SCGB2B2: variants seen among roughly 807,000 people sequenced by gnomAD.
SCGB2B2 encodes secretoglobin-like protein.
Under a neutral mutation model 7.6 loss-of-function variants are expected in SCGB2B2, and 11 were observed. That is an observed-to-expected ratio of 1.45 (90% CI 0.91 to 2.40). SCGB2B2 has a LOEUF of 2.40. Among genes scored for constraint, SCGB2B2 ranks in the 30% most tolerant of loss-of-function variants. The pLI, the probability that SCGB2B2 is intolerant of heterozygous loss-of-function variation, is 0.00. For synonymous variants in SCGB2B2, 50 were observed against 48.6 expected, an observed-to-expected ratio of 1.03 and a Z score of -0.12; for missense variants, 104 against 115.4, an observed-to-expected ratio of 0.90 and a Z score of 0.45.
At chr19:34,588,790 A>G (rs2065237021), downstream of SCGB2B2, among the ~76,000 whole-genome samples, 1 of 152,130 alleles carries the variant, frequency 6.6e-6, no homozygotes, top group South Asian at 2.1e-4. Flanking sequence ...CAGGGCACAT[A>G]TGGGGTGACC....
chr19:34,644,513 A>C (rs983395645), intron 1 of SCGB2B2, among the ~76,000 whole-genome samples: 1 of 152,110 alleles, frequency 6.6e-6, no homozygotes, highest in Non-Finnish European at 1.5e-5. Context: ...ATTTCAAACA[A>C]AAATTCTGTA....
downstream of SCGB2B2, among the ~76,000 whole-genome samples, chr19:34,590,397 T>C (rs200641091): frequency 5.1e-4 from 37 of 72,022 alleles, 1 homozygote; most frequent in Admixed American, 6.6e-3. Context: ...ATCCATCCAT[T>C]CATCCATTCA....
chr19:34,636,862 T>C (rs148951148), intron 1 of SCGB2B2, among the ~76,000 whole-genome samples: 27 of 152,208 alleles, frequency 1.8e-4, no homozygotes, highest in Non-Finnish European at 3.4e-4. Flanking sequence ...CCTCCTCCCA[T>C]AGCTTTGTCA....
At chr19:34,613,897 A>G (rs1221274688) in intron 1 of SCGB2B2, among the ~76,000 whole-genome samples, 1 of 152,220 alleles carries the variant, frequency 6.6e-6, no homozygotes, top group South Asian at 2.1e-4. Context: ...TGCTCTGTAT[A>G]GTATTCTTGC....
chr19:34,617,810 T>C (rs2066127106), intron 1 of SCGB2B2, among the ~76,000 whole-genome samples: 1 of 152,210 alleles, frequency 6.6e-6, no homozygotes, highest in African/African-American at 2.4e-5. Context: ...CAGTATGATA[T>C]TGGCTGTGGG....
intron 1 of SCGB2B2, among the ~76,000 whole-genome samples, chr19:34,654,652 T>A (rs1421434115): frequency 6.6e-6 from 1 of 150,652 alleles, no homozygotes; most frequent in African/African-American, 2.5e-5. Flanking sequence ...CACCAATGGC[T>A]CCACCTAGAT....
intron 1 of SCGB2B2, among the ~76,000 whole-genome samples, chr19:34,626,310 G>C (rs1037080361): frequency 6.6e-6 from 1 of 152,126 alleles, no homozygotes; most frequent in Non-Finnish European, 1.5e-5. Context: ...AAACTACTCT[G>C]AACTAAAGGA....
chr19:34,620,209 C>T (rs1190679572), intron 1 of SCGB2B2, among the ~76,000 whole-genome samples: 1 of 152,052 alleles, frequency 6.6e-6, no homozygotes, highest in Non-Finnish European at 1.5e-5. Context: ...AATCACTTTA[C>T]TATAAAGACA....
At chr19:34,605,445 T>G (rs1445091921) in intron 1 of SCGB2B2, among the ~76,000 whole-genome samples, 1 of 152,214 alleles carries the variant, frequency 6.6e-6, no homozygotes, top group Non-Finnish European at 1.5e-5. Context: ...GCCACCAGCT[T>G]GTTCTTCATT....
chr19:34,632,879 A>G (rs75062046), intron 1 of SCGB2B2: 2,979 of 152,508 alleles, frequency 0.02, 45 homozygotes, highest in East Asian at 0.067. Context: ...CAACCAGTCT[A>G]GAGTCTACAG....
intron 1 of SCGB2B2, among the ~76,000 whole-genome samples, chr19:34,628,973 A>G (rs2066454781): frequency 6.6e-6 from 1 of 151,974 alleles, no homozygotes. Flanking sequence ...ACATATGCAA[A>G]TCAATAAACG....
chr19:34,643,064 A>G (rs1041318310), intron 1 of SCGB2B2, among the ~76,000 whole-genome samples: 3 of 152,196 alleles, frequency 2.0e-5, no homozygotes, highest in Non-Finnish European at 4.4e-5. Flanking sequence ...CCGGTTATCT[A>G]TCCGAAAAGG....
At chr19:34,657,191 C>T (rs559290625) in intron 1 of SCGB2B2, among the ~76,000 whole-genome samples, 1 of 151,244 alleles carries the variant, frequency 6.6e-6, no homozygotes, top group South Asian at 2.1e-4. Context: ...AGAACAGATA[C>T]CTTGGAATAA....
intron 1 of SCGB2B2, among the ~76,000 whole-genome samples, chr19:34,657,162 A>G (rs2067305384): frequency 6.6e-6 from 1 of 151,386 alleles, no homozygotes; most frequent in Non-Finnish European, 1.5e-5. Context: ...AGAATGCAAT[A>G]TTTACAGTGG....
intron 1 of SCGB2B2, chr19:34,645,541 GAC>G (rs112676925): frequency 0.018 from 323 of 17,802 alleles, 3 homozygotes; most frequent in Admixed American, 0.085. Context: ...CACAGACACA[GAC>G]ACACACACAC....
intron 1 of SCGB2B2, among the ~76,000 whole-genome samples, chr19:34,622,206 C>T (rs946341085): frequency 1.3e-5 from 2 of 152,156 alleles, no homozygotes; most frequent in African/African-American, 2.4e-5. Flanking sequence ...TGAGCTGGAC[C>T]TTGAGCCTGA....
At position 34,660,948 on chromosome 19, in the gene SCGB2B2, G is replaced by A. The variant is rs564442108; in HGVS notation, c.-2032+14682C>T. ...ACCATGGAATACTATGCAGCCATAA[G>A]AATGGATGAGTGCATGTCCTTTGCA... On this transcript the variant is annotated intron_variant, in intron 1 of 3. Coordinates refer to ENST00000601241, the MANE Select transcript of SCGB2B2 (RefSeq NM_001025591.4). Among the ~76,000 whole-genome samples the A allele has an allele frequency of 4.0e-3, 602 of 152,216 alleles. 5 individuals are homozygous for A. Among genetic ancestry groups the A allele is most frequent in the African/African-American group, 0.014 (570 of 41,502 alleles).
At chr19:34,663,962 G>A (rs965346915) in intron 1 of SCGB2B2, among the ~76,000 whole-genome samples, 2 of 151,500 alleles carry the variant, frequency 1.3e-5, no homozygotes, top group African/African-American at 4.9e-5. Flanking sequence ...CAGCCGGGTT[G>A]TCCTCCCCGC....
chr19:34,593,700 GTGTGT>G, intron 3 of SCGB2B2, 101 bp from the exon 4 acceptor site: 2 of 910,060 alleles, frequency 2.2e-6, no homozygotes, highest in Non-Finnish European at 3.4e-6. Context: ...AGCTCCTTGA[GTGTGT>G]CTGCTTGTTG....
Sources: allele counts gnomAD v4.1 joint callset (sites outside exome capture counted in the v4.1 genomes callset), GRCh38; gene constraint gnomAD v4.1.1; transcripts MANE v1.5; gene names NCBI Gene and HGNC (gene_info 2026-07-23, HGNC 2026-07-21).